The following PCSK2 variants were observed in gnomAD, a reference collection of about 807,000 sequenced individuals.
The protein encoded by PCSK2 is neuroendocrine convertase 2.
In PCSK2, 14 loss-of-function variants were observed where a neutral mutation model predicts 69.7. That is an observed-to-expected ratio of 0.20 (90% CI 0.13 to 0.31). PCSK2 has a LOEUF of 0.31. Among genes scored for constraint, PCSK2 ranks in the 10% least tolerant of loss-of-function variants. The pLI, the probability that PCSK2 is intolerant of heterozygous loss-of-function variation, is 1.00. For synonymous variants in PCSK2, 307 were observed against 320.7 expected, an observed-to-expected ratio of 0.96 and a Z score of 0.46; for missense variants, 544 against 842.5, an observed-to-expected ratio of 0.65 and a Z score of 4.39.
At chr20:17,357,797 G>A (rs7264274) in intron 2 of PCSK2, among the ~76,000 whole-genome samples, 113,807 of 151,764 alleles carry the variant, frequency 0.75, 42,935 homozygotes, top group African/African-American at 0.82. Flanking sequence ...AGGAGCCTGA[G>A]GAAGGAGAAT....
chr20:17,402,692 T>C (rs1427579966), intron 5 of PCSK2, among the ~76,000 whole-genome samples: 54 of 138,316 alleles, frequency 3.9e-4, no homozygotes, highest in South Asian at 3.2e-3. Context: ...TGGTGGCTCA[T>C]GCCTGTAATC....
chr20:17,315,828 G>C (rs1011230882), intron 2 of PCSK2, among the ~76,000 whole-genome samples: 1 of 152,230 alleles, frequency 6.6e-6, no homozygotes, highest in Non-Finnish European at 1.5e-5. Flanking sequence ...CTGTCCCGGT[G>C]CTTCACCCCC....
intron 1 of PCSK2, among the ~76,000 whole-genome samples, chr20:17,244,014 C>CTGTAAATTAGAAAATGATATCACA (rs1172247401): frequency 6.6e-6 from 1 of 152,016 alleles, no homozygotes; most frequent in Non-Finnish European, 1.5e-5. Context: ...TCAGTGATGT[C>CTGTAAATTAGAAAATGATATCACA]TGTAAATTAG....
intron 6 of PCSK2, among the ~76,000 whole-genome samples, chr20:17,411,781 C>T (rs181712813): frequency 1.3e-5 from 2 of 152,344 alleles, no homozygotes; most frequent in Admixed American, 1.3e-4. Context: ...ACAGACAGCT[C>T]ACAAAGGTGG....
chr20:17,227,342 G>A lies in PCSK2; in HGVS notation c.37G>A (p.Ala13Thr). ...TTGTGTCTCCCAGTGGAAGGCGGCC[G>A]CCGGGTTCCTCTTCTGTGTCATGGT... ...GGCVSQWKAA[A>T]GFLFCVMVFA... The change falls in exon 1 of 12, where the codon GCC (alanine) becomes ACC (threonine). Residue 13 changes from alanine to threonine, a missense_variant. Ala to Thr is a moderately conservative substitution (Grantham distance 58, BLOSUM62 0). Transcript: ENST00000262545. 1.2e-6 allele frequency: 2 copies of A among 1,613,956 alleles called. No homozygotes were observed. Among genetic ancestry groups the A allele is most frequent in the Non-Finnish European group, 1.7e-6 (2 of 1,179,974 alleles).
intron 5 of PCSK2, among the ~76,000 whole-genome samples, chr20:17,378,440 C>A (rs548529757): frequency 3.3e-4 from 51 of 152,296 alleles, no homozygotes; most frequent in Non-Finnish European, 5.1e-4. Context: ...GACAGATTCT[C>A]ATCTCTTTGA....
intron 2 of PCSK2, among the ~76,000 whole-genome samples, chr20:17,348,050 GGAAAGAAA>G (rs200387593): frequency 0.092 from 7,981 of 86,674 alleles, 340 homozygotes; most frequent in Non-Finnish European, 0.098. Flanking sequence ...AAGAAAGAAA[GGAAAGAAA>G]GAAAGAAAGA....
At chr20:17,391,081 C>G (rs183088042) in intron 5 of PCSK2, among the ~76,000 whole-genome samples, 1 of 152,202 alleles carries the variant, frequency 6.6e-6, no homozygotes, top group Non-Finnish European at 1.5e-5. Context: ...TTCTTCAAAT[C>G]CTTGTGTGAA....
intron 5 of PCSK2, among the ~76,000 whole-genome samples, chr20:17,376,302 G>A (rs1349895491): frequency 6.6e-6 from 1 of 152,190 alleles, no homozygotes; most frequent in East Asian, 1.9e-4. Context: ...CCAGCCCAGA[G>A]CACCTAGCTG....
At chr20:17,407,366 C>G (rs1308943286) in intron 5 of PCSK2, among the ~76,000 whole-genome samples, 2 of 152,116 alleles carry the variant, frequency 1.3e-5, no homozygotes, top group African/African-American at 4.8e-5. Context: ...TAAAGAGAAA[C>G]AAACCAGATT....
At chr20:17,372,949 A>G (rs1466150217) in intron 5 of PCSK2, among the ~76,000 whole-genome samples, 1 of 152,232 alleles carries the variant, frequency 6.6e-6, no homozygotes, top group Non-Finnish European at 1.5e-5. Context: ...CCAGCCCAGG[A>G]GAGCAATGAA....
chr20:17,479,210 G>A lies in PCSK2; in HGVS notation c.1431-2374G>A, dbSNP rs571363430. The A allele has an allele frequency of 4.8e-5, 65 of 1,364,940 alleles. No homozygotes were observed. In the African/African-American group the frequency reaches 6.9e-4, roughly 15 times the overall value. The allele number at this position is 1,364,940 out of a possible 1,614,324, so 84.6% of individuals were successfully genotyped here. A position where few individuals can be genotyped will look rare whatever the true frequency, so the allele number is the denominator to read the frequency against. ...GAGCTGCTGTGCGAAAGCCATATGCGCTCTTCTGGACCACTGCACATTTCA... is the reference window on the plus strand; with the variant it reads ...GAGCTGCTGTGCGAAAGCCATATGCACTCTTCTGGACCACTGCACATTTCA... On this transcript the variant is annotated intron_variant, in intron 11 of 11. Transcript: ENST00000262545.
chr20:17,445,743 G>A (rs566189175), intron 8 of PCSK2, among the ~76,000 whole-genome samples: 9 of 152,346 alleles, frequency 5.9e-5, no homozygotes, highest in African/African-American at 2.2e-4. Context: ...GAGCTCTCAC[G>A]AATACTCTGT....
intron 2 of PCSK2, among the ~76,000 whole-genome samples, chr20:17,293,793 CCTT>C (rs1224333555): frequency 6.6e-6 from 1 of 152,120 alleles, no homozygotes; most frequent in Admixed American, 6.5e-5. Flanking sequence ...CTTCTGGCAG[CCTT>C]CTTCTCAGGA....
At chr20:17,461,638 G>T (rs1189908923) in intron 10 of PCSK2, among the ~76,000 whole-genome samples, 2 of 152,320 alleles carry the variant, frequency 1.3e-5, no homozygotes, top group African/African-American at 4.8e-5. Flanking sequence ...CTCTAAAGAT[G>T]CATGTGCTGA....
intron 2 of PCSK2, among the ~76,000 whole-genome samples, chr20:17,276,416 A>T (rs1053708122): frequency 9.9e-5 from 15 of 151,142 alleles, no homozygotes; most frequent in Middle Eastern, 3.4e-3. Context: ...GCTTTCTTCT[A>T]TGGAAGATGA....
chr20:17,409,304 T>C lies in PCSK2; in HGVS notation c.585T>C (p.Tyr195=), dbSNP rs149963157. Residue 195 remains tyrosine (Y), a synonymous_variant, in exon 6 of 12, where the codon TAT becomes TAC. Transcript: ENST00000262545. The part of the protein sequence containing the change: ...ASYDFSSNDP[Y]PYPRYTDDWF... Reference sequence around the variant, plus strand: ...ACGACTTCAGCAGCAACGACCCCTATCCTTACCCTCGGTACACAGATGACT... The same window carrying C: ...ACGACTTCAGCAGCAACGACCCCTACCCTTACCCTCGGTACACAGATGACT... 4.3e-5 allele frequency: 70 copies of C among 1,613,896 alleles called. No homozygotes were observed. The highest frequency in any genetic ancestry group is 5.4e-5 in the Non-Finnish European group (64 of 1,179,892).
At chr20:17,471,013 G>A (rs543499344) in intron 11 of PCSK2, among the ~76,000 whole-genome samples, 4 of 152,318 alleles carry the variant, frequency 2.6e-5, no homozygotes, top group African/African-American at 4.8e-5. Context: ...GTCAAGCTAC[G>A]TGTCAATACC....
In PCSK2 at chr20:17,435,843, C is replaced by T. The variant is rs117254701; in HGVS notation, c.710-865C>T. Reference sequence around the variant, plus strand: ...AGTGATGGAGAGACAGCACACCCAACCCAATGGCGGCTACTGAGATCCCCC... The same window carrying T: ...AGTGATGGAGAGACAGCACACCCAATCCAATGGCGGCTACTGAGATCCCCC... On this transcript the variant is annotated intron_variant, in intron 7 of 11. Coordinates refer to ENST00000262545, the MANE Select transcript of PCSK2 (RefSeq NM_002594.5). 8.9e-3 allele frequency among the ~76,000 whole-genome samples: 1,359 copies of T among 152,296 alleles called. 7 individuals carry two copies. The highest frequency in any genetic ancestry group is 0.015 in the South Asian group (74 of 4,828).
Sources: allele counts gnomAD v4.1 joint callset (sites outside exome capture counted in the v4.1 genomes callset), GRCh38; gene constraint gnomAD v4.1.1; transcripts MANE v1.5; gene names NCBI Gene and HGNC (gene_info 2026-07-23, HGNC 2026-07-21).